SPEF2: variants seen among roughly 807,000 people sequenced by gnomAD.
The protein encoded by SPEF2 is sperm flagella and cilia-associated protein 2.
In SPEF2, 187 loss-of-function variants were observed where a neutral mutation model predicts 224.6. That is an observed-to-expected ratio of 0.83 (90% CI 0.74 to 0.94). The LOEUF is 0.94. SPEF2 is among the 40% of genes least tolerant of loss of function. The pLI, the probability that SPEF2 is intolerant of heterozygous loss-of-function variation, is 0.00. For synonymous variants in SPEF2, 715 were observed against 707.3 expected (o/e 1.01, Z -0.17); for missense variants, 2,170 against 2,135.6 (o/e 1.02, Z -0.32).
chr5:35,658,897 C>A, intron 7 of SPEF2, 122 bp from the exon 8 acceptor site: 1 of 725,050 alleles, frequency 1.4e-6, no homozygotes, highest in Non-Finnish European at 2.0e-6. Context: ...CAAATTAAGT[C>A]AAATGACAGA....
At chr5:35,628,190 A>G (rs1027566322) in intron 1 of SPEF2, among the ~76,000 whole-genome samples, 1 of 143,954 alleles carries the variant, frequency 6.9e-6, no homozygotes, top group East Asian at 2.0e-4. Flanking sequence ...GTAGCATTTT[A>G]AAAAAAAATT....
intron 23 of SPEF2, among the ~76,000 whole-genome samples, chr5:35,746,792 TA>T (rs1249068501): frequency 2.6e-5 from 4 of 152,110 alleles, no homozygotes; most frequent in African/African-American, 7.2e-5. Flanking sequence ...GCTAGAGACC[TA>T]AACATTCAAA....
intron 30 of SPEF2, 73 bp from the exon 31 acceptor site, chr5:35,792,267 C>T (rs1756074133): frequency 8.7e-7 from 1 of 1,149,002 alleles, no homozygotes; most frequent in Non-Finnish European, 1.3e-6. Flanking sequence ...ATACTCATTG[C>T]TTCTATTTTA....
intron 36 of SPEF2, among the ~76,000 whole-genome samples, chr5:35,811,649 A>G (rs1758538053): frequency 2.0e-5 from 3 of 151,806 alleles, no homozygotes; most frequent in Admixed American, 1.3e-4. Flanking sequence ...ATTAAAGGAG[A>G]TAATACATAT....
intron 1 of SPEF2, among the ~76,000 whole-genome samples, chr5:35,624,107 G>C (rs978479618): frequency 6.6e-6 from 1 of 152,154 alleles, no homozygotes; most frequent in Non-Finnish European, 1.5e-5. Flanking sequence ...CCTCCAGCTG[G>C]CTAAGGGCCA....
At chr5:35,730,936 G>A (rs1745542243) in intron 21 of SPEF2, among the ~76,000 whole-genome samples, 1 of 152,140 alleles carries the variant, frequency 6.6e-6, no homozygotes, top group Non-Finnish European at 1.5e-5. Context: ...CATTTTACAG[G>A]GGAGAAGAGC....
intron 23 of SPEF2, among the ~76,000 whole-genome samples, chr5:35,748,451 G>T (rs1327214573): frequency 6.6e-6 from 1 of 152,048 alleles, no homozygotes; most frequent in Non-Finnish European, 1.5e-5. Flanking sequence ...AAAGAAGAGA[G>T]AAAATCCAAA....
In SPEF2 at chr5:35,702,524, A is replaced by G. The variant is rs551806625; in HGVS notation, c.2398+1772A>G. Among the ~76,000 whole-genome samples the G allele has an allele frequency of 1.7e-4, 26 of 152,302 alleles. No individual in the cohort carries two copies. In the South Asian group the frequency reaches 5.4e-3, roughly 32 times the overall value. On this transcript the variant is annotated intron_variant, in intron 16 of 36. Transcript: ENST00000356031. ...TAGGTTTTGAGTTCAGGCATCAAATACTGACCCTTTGTGGCTAATGGTGAC... is the reference window on the plus strand; with the variant it reads ...TAGGTTTTGAGTTCAGGCATCAAATGCTGACCCTTTGTGGCTAATGGTGAC...
intron 17 of SPEF2, among the ~76,000 whole-genome samples, chr5:35,704,933 G>A (rs894279024): frequency 6.6e-6 from 1 of 152,084 alleles, no homozygotes; most frequent in Non-Finnish European, 1.5e-5. Flanking sequence ...TAATTATATG[G>A]AATCCTGATT....
At chr5:35,666,109 C>T (rs1035281742) in intron 8 of SPEF2, among the ~76,000 whole-genome samples, 1 of 152,110 alleles carries the variant, frequency 6.6e-6, no homozygotes, top group Non-Finnish European at 1.5e-5. Flanking sequence ...CCCAAGGTCT[C>T]ACAGCTAGAA....
In SPEF2 at chr5:35,692,729, G is replaced by A. The variant is rs778974785; in HGVS notation, c.1899+5G>A. The A allele has an allele frequency of 6.2e-7, 1 of 1,609,916 alleles. No homozygotes were observed. Among genetic ancestry groups the A allele is most frequent in the Non-Finnish European group, 8.5e-7 (1 of 1,178,902 alleles). On this transcript the variant is annotated splice_donor_5th_base_variant and intron_variant, in intron 12 of 36. Transcript: ENST00000356031. The stretch of plus-strand genomic sequence containing the variant: ...GAGGAGATTAAAGAAAGCCAGGCAA[G>A]TGTGATTCTAGTTTTCTCTTCTGCG...
At chr5:35,674,240 C>A (rs975765179) in intron 10 of SPEF2, among the ~76,000 whole-genome samples, 10 of 151,898 alleles carry the variant, frequency 6.6e-5, no homozygotes, top group Non-Finnish European at 1.3e-4. Context: ...GTTTGACTCC[C>A]CAGTGAGATC....
chr5:35,667,357 A>C (rs1206856849), intron 9 of SPEF2, 98 bp downstream of exon 9: 5 of 1,102,122 alleles, frequency 4.5e-6, no homozygotes, highest in Non-Finnish European at 6.2e-6. Flanking sequence ...AAGAGAGATA[A>C]AAATGATTCA....
Position 35,692,737 on chromosome 5 carries a change from C to G in SPEF2, c.1899+13C>G, listed in dbSNP as rs376442346. The G allele has an allele frequency of 2.5e-5, 41 of 1,608,572 alleles. No individual in the cohort carries two copies. The highest frequency in any genetic ancestry group is 3.5e-5 in the Non-Finnish European group (41 of 1,178,344). ...TAAAGAAAGCCAGGCAAGTGTGATT[C>G]TAGTTTTCTCTTCTGCGCCTAGTAC... On this transcript the variant is annotated intron_variant, in intron 12 of 36. Transcript: ENST00000356031.
In SPEF2 at chr5:35,666,105, G is replaced by T. The variant is rs143770651; in HGVS notation, c.1168-967G>T. Among the ~76,000 whole-genome samples the T allele has an allele frequency of 6.6e-3, 1,009 of 152,204 alleles. 14 individuals are homozygous for T. Among genetic ancestry groups the T allele is most frequent in the African/African-American group, 0.023 (959 of 41,526 alleles). On this transcript the variant is annotated intron_variant, in intron 8 of 36. Transcript: ENST00000356031. The stretch of plus-strand genomic sequence containing the variant: ...CAAGGAGACTAATGACTTGCCCAAG[G>T]TCTCACAGCTAGAAATTGAATTCTA...
intron 16 of SPEF2, among the ~76,000 whole-genome samples, chr5:35,703,385 G>A (rs1009592368): frequency 6.6e-6 from 1 of 152,158 alleles, no homozygotes; most frequent in Non-Finnish European, 1.5e-5. Flanking sequence ...TCAGGATAAT[G>A]CAGATAAATT....
rs532811623 is a variant in SPEF2 at position 35,771,029 on chromosome 5, G to A, written c.3802-580G>A. ...CTGTCCATGACCCAATTAACACAGG[G>A]CATGCTGTCCCAAAAATTGGCTGTT... On this transcript the variant is annotated intron_variant, in intron 26 of 36. Transcript: ENST00000356031. Among the ~76,000 whole-genome samples the A allele has an allele frequency of 2.2e-4, 33 of 152,190 alleles. 1 individual carries two copies. In the South Asian group the frequency reaches 6.8e-3, roughly 32 times the overall value.
intron 3 of SPEF2, among the ~76,000 whole-genome samples, chr5:35,644,105 T>G (rs1045347166): frequency 2.0e-5 from 3 of 152,138 alleles, no homozygotes; most frequent in African/African-American, 2.4e-5. Flanking sequence ...TTTAACTCAG[T>G]GTAAAAAGTT....
chr5:35,669,958 A>T lies in SPEF2; in HGVS notation c.1356-101A>T. On this transcript the variant is annotated intron_variant, in intron 9 of 36. Coordinates refer to ENST00000356031, the MANE Select transcript of SPEF2 (RefSeq NM_024867.4). ...ATTTTTCAGTAATTATTTCTGTCTG[A>T]TGAAAGTGAGCTAATTACATAAATA... is the stretch of plus-strand genomic sequence containing the variant. The T allele has an allele frequency of 2.2e-6, 2 of 911,378 alleles. 1 individual carries two copies. The highest frequency in any genetic ancestry group is 5.5e-5 in the East Asian group (2 of 36,206). 56.5% of individuals were successfully genotyped at this position (911,378 alleles called of 1,614,324 possible). A position where few individuals can be genotyped will look rare whatever the true frequency, so the allele number is the denominator to read the frequency against.
Sources: gnomAD v4.1 joint callset for allele counts (sites outside exome capture counted in the v4.1 genomes callset) on GRCh38, gnomAD v4.1.1 for gene constraint, MANE v1.5 for transcripts, NCBI Gene and HGNC (gene_info 2026-07-23, HGNC 2026-07-21) for gene names.